TRIM35: variants seen among roughly 807,000 people sequenced by gnomAD.
TRIM35 encodes tripartite motif containing 35, also known as E3 ubiquitin-protein ligase TRIM35.
Under a neutral mutation model 49.1 loss-of-function variants are expected in TRIM35, and 37 were observed. The observed-to-expected ratio is 0.75, with a 90% CI of 0.58 to 0.99. The LOEUF (loss-of-function observed/expected upper bound fraction) is 0.99, where lower values mean the gene tolerates loss of function less well. Among genes scored for constraint, TRIM35 ranks in the 50% least tolerant of loss-of-function variants. The pLI, the probability that TRIM35 is intolerant of heterozygous loss-of-function variation, is 0.00. For missense variants in TRIM35, 648 were observed against 702.7 expected, an observed-to-expected ratio of 0.92 and a Z score of 0.88; for synonymous variants, 302 against 289.3, an observed-to-expected ratio of 1.04 and a Z score of -0.45.
At chr8:27,309,822 GA>G (rs1266939767) in intron 1 of TRIM35, among the ~76,000 whole-genome samples, 1 of 145,218 alleles carries the variant, frequency 6.9e-6, no homozygotes, top group African/African-American at 2.6e-5. Context: ...GCCTCTACTA[GA>G]AATTAAAAAA....
chr8:27,297,664 G>T (rs1368537354), intron 2 of TRIM35, among the ~76,000 whole-genome samples: 1 of 152,160 alleles, frequency 6.6e-6, no homozygotes, highest in Admixed American at 6.5e-5. Context: ...AAATAAACCA[G>T]GAAATTATGC....
intron 2 of TRIM35, 135 bp downstream of exon 2, chr8:27,298,329 G>T: frequency 1.3e-6 from 1 of 748,550 alleles, no homozygotes; most frequent in East Asian, 2.6e-5. Context: ...GGCTGCACAG[G>T]ACCATCAGAG....
chr8:27,311,047 G>A lies in TRIM35; in HGVS notation c.189C>T (p.Arg63=), dbSNP rs895131983. ...VSPTCPVCKD[R]ASPADLRTNH... ...TGGTGCGCAGGTCGGCGGGTGACGC[G>A]CGGTCTTTGCACACTGGGCAGGTGG... The change falls in exon 1 of 6, where the codon CGC becomes CGT. Residue 63 remains arginine (R), a synonymous_variant. Coordinates refer to ENST00000305364, the MANE Select transcript of TRIM35 (RefSeq NM_171982.5). 11 of 1,598,776 alleles carry A rather than the reference G, an allele frequency of 6.9e-6. No homozygotes were observed. In the African/African-American group the frequency reaches 8.0e-5, roughly 12 times the overall value.
chr8:27,289,015 G>A, intron 5 of TRIM35, 147 bp downstream of exon 5: 2 of 627,082 alleles, frequency 3.2e-6, no homozygotes, highest in South Asian at 3.6e-5. Flanking sequence ...ACCTGCCTGC[G>A]AGGGACTGGC....
chr8:27,288,548 A>G (rs894698709), intron 5 of TRIM35, among the ~76,000 whole-genome samples: 9 of 152,194 alleles, frequency 5.9e-5, no homozygotes, highest in African/African-American at 2.2e-4. Flanking sequence ...AGGAGACGGA[A>G]GAGGAAATGA....
intron 3 of TRIM35, among the ~76,000 whole-genome samples, chr8:27,291,058 CAAAAAAAA>C (rs56953962): frequency 7.9e-5 from 4 of 50,620 alleles, no homozygotes; most frequent in African/African-American, 2.5e-4. Flanking sequence ...TGTTGACATG[CAAAAAAAA>C]AAAAAAAAAA....
At position 27,289,335 on chromosome 8, in the gene TRIM35, G is replaced by T. The variant is rs533414782; in HGVS notation, c.786-55C>A. 143 of 1,454,530 alleles carry T rather than the reference G, an allele frequency of 9.8e-5. 1 individual carries two copies. The African/African-American group carries it at 1.7e-3, about 17-fold the overall frequency. The allele number at this position is 1,454,530 out of a possible 1,614,324, so 90.1% of individuals were successfully genotyped here. A position where few individuals can be genotyped will look rare whatever the true frequency, so the allele number is the denominator to read the frequency against. On this transcript the variant is annotated intron_variant, in intron 4 of 5. Transcript: ENST00000305364. ...GGGCCAGAGCCATGCAACCTGGGCC[G>T]AACTGGGCCAACTGGAAACCAGCAA...
rs770648814 is a variant in TRIM35, at chr8:27,310,867, G to A, written c.369C>T (p.Cys123=). 26 of 1,611,578 alleles carry A rather than the reference G, an allele frequency of 1.6e-5. 1 individual carries two copies. The South Asian group carries it at 1.8e-4, about 11-fold the overall frequency. ...LEDKELLCCS[C]QADPRHQGHR... ...GCCCCTGGTGTCGGGGGTCGGCCTGGCAGGAGCAGCACAGCAGCTCCTTGT... is the reference window on the plus strand; with the variant it reads ...GCCCCTGGTGTCGGGGGTCGGCCTGACAGGAGCAGCACAGCAGCTCCTTGT... The change falls in exon 1 of 6, where the codon TGC becomes TGT. Residue 123 remains cysteine (C), a synonymous_variant. Transcript: ENST00000305364.
chr8:27,300,191 C>T (rs1040652293), intron 1 of TRIM35, among the ~76,000 whole-genome samples: 1 of 152,222 alleles, frequency 6.6e-6, no homozygotes, highest in Non-Finnish European at 1.5e-5. Flanking sequence ...CTGCCAACAA[C>T]TACAAATGTG....
Position 27,287,709 on chromosome 8 carries a change from G to T in TRIM35, c.1323C>A (p.Phe441Leu). ...ELECEEGELS[F>L]YDAERHCHLY... Reference sequence around the variant, plus strand: ...GGTGGCAGTGGCGCTCCGCGTCATAGAAAGACAGCTCGCCCTCCTCACACT... The same window carrying T: ...GGTGGCAGTGGCGCTCCGCGTCATATAAAGACAGCTCGCCCTCCTCACACT... The change falls in exon 6 of 6, where the codon TTC (phenylalanine) becomes TTA (leucine). Residue 441 changes from phenylalanine (F) to leucine (L), a missense_variant. Phe to Leu is a conservative substitution (Grantham distance 22). Transcript: ENST00000305364. The surrounding 1 kb of genome is among the most constrained non-coding windows in gnomAD (Gnocchi z 6.0). The T allele has an allele frequency of 6.2e-7, 1 of 1,610,606 alleles. No homozygotes were observed. The highest frequency in any genetic ancestry group is 2.2e-5 in the East Asian group (1 of 44,718).
chr8:27,310,771 C>T (rs1802917747), intron 1 of TRIM35, 30 bp downstream of exon 1: 1 of 1,543,630 alleles, frequency 6.5e-7, no homozygotes. Flanking sequence ...AGACCCGGCT[C>T]GGCCGCCTCG....
At position 27,287,775 on chromosome 8, in the gene TRIM35, G is replaced by A. The variant is rs1802361430; in HGVS notation, c.1257C>T (p.Pro419=). The A allele has an allele frequency of 1.2e-6, 2 of 1,610,102 alleles. No individual in the cohort carries two copies. Among genetic ancestry groups the A allele is most frequent in the East Asian group, 2.2e-5 (1 of 44,720 alleles). ...GGCGGCGTGGGATGGCCAGGACCAG[G>A]GGCGACGTGGCTGGGTCCGAGGTCA... ...HCVTSDPATS[P]LVLAIPRRLR... The change falls in exon 6 of 6, where the codon CCC becomes CCT. Residue 419 remains proline (P), a synonymous_variant. Coordinates refer to ENST00000305364, the MANE Select transcript of TRIM35 (RefSeq NM_171982.5). The surrounding 1 kb of genome is among the most constrained non-coding windows in gnomAD (Gnocchi z 6.0).
chr8:27,309,489 G>A (rs563763406), intron 1 of TRIM35, among the ~76,000 whole-genome samples: 16 of 152,194 alleles, frequency 1.1e-4, no homozygotes, highest in African/African-American at 2.6e-4. Flanking sequence ...ACAGACTTCC[G>A]TATTTAAAAA....
In TRIM35 at chr8:27,285,988, T is replaced by G. The variant is rs545480663; in HGVS notation, c.*1562A>C. On this transcript the variant is annotated 3_prime_UTR_variant, in exon 6 of 6. Transcript: ENST00000305364. Reference sequence around the variant, plus strand: ...GCCCTCCTTGTGGCCTTAAGTTTTATCTAACCAGTGTACACAACATATTTA... The same window carrying G: ...GCCCTCCTTGTGGCCTTAAGTTTTAGCTAACCAGTGTACACAACATATTTA... 2.5e-4 allele frequency: 101 copies of G among 410,196 alleles called. No homozygotes were observed. The highest frequency in any genetic ancestry group is 1.7e-3 in the South Asian group (98 of 57,100). 25.4% of individuals were successfully genotyped at this position (410,196 alleles called of 1,614,324 possible).
intron 1 of TRIM35, among the ~76,000 whole-genome samples, chr8:27,309,993 AAAAAC>A (rs1802881377): frequency 6.6e-6 from 1 of 152,092 alleles, no homozygotes; most frequent in Non-Finnish European, 1.5e-5. Context: ...AAAAAAAAAA[AAAAAC>A]AAAGGGAAGT....
Position 27,310,816 on chromosome 8 carries a change from A to C in TRIM35, c.420T>G (p.Thr140=), listed in dbSNP as rs751377997. 11 of 1,599,218 alleles carry C rather than the reference A, an allele frequency of 6.9e-6. No individual in the cohort carries two copies. In the Admixed American group the frequency reaches 8.5e-5, roughly 12 times the overall value. The change falls in exon 1 of 6, where the codon ACT becomes ACG. Residue 140 remains threonine, a synonymous_variant. Coordinates refer to ENST00000305364, the MANE Select transcript of TRIM35 (RefSeq NM_171982.5). ...QGHRVQPVKD[T]AHDFRAKCRN... ...CTGCTCTTACCCGAAAGTCGTGGGC[A>C]GTGTCCTTCACCGGCTGCACGCGGT... is the stretch of plus-strand genomic sequence containing the variant.
chr8:27,297,875 G>A (rs565504679), intron 2 of TRIM35, among the ~76,000 whole-genome samples: 1 of 152,194 alleles, frequency 6.6e-6, no homozygotes, highest in Non-Finnish European at 1.5e-5. Context: ...CCATGGTAAG[G>A]AATCTGGGTG....
Position 27,311,111 on chromosome 8 carries a change from CGGCAGAAGTTGTGGCCGCAGCGCAGAGT to C in TRIM35, c.97_124del (p.Thr33AlafsTer4). The C allele has an allele frequency of 6.3e-7, 1 of 1,599,752 alleles. No homozygotes were observed. Among genetic ancestry groups the C allele is most frequent in the Middle Eastern group, 1.7e-4 (1 of 6,030 alleles). ...CTCCCAGCAGCGGCTCACGCACCCG[CGGCAGAAGTTGTGGCCGCAGCGCAGAGT>C]GACTGCGTCGCGGAAGGGGTCGTAG... On this transcript the variant is annotated frameshift_variant, in exon 1 of 6. Transcript: ENST00000305364. LOFTEE classifies it high-confidence loss of function.
At chr8:27,298,670 C>T (rs1189102339) in intron 1 of TRIM35, 111 bp from the exon 2 acceptor site, 20 of 871,428 alleles carry the variant, frequency 2.3e-5, no homozygotes, top group Middle Eastern at 2.2e-4. Flanking sequence ...ACAAGTGTAA[C>T]TCAACTGCAT....
Sources: gnomAD v4.1 joint callset for allele counts (sites outside exome capture counted in the v4.1 genomes callset) on GRCh38, gnomAD v4.1.1 for gene constraint, Gnocchi (gnomAD v3.1) non-coding constraint, MANE v1.5 for transcripts, NCBI Gene and HGNC (gene_info 2026-07-23, HGNC 2026-07-21) for gene names.